HTR2C: variants seen among roughly 807,000 people sequenced by gnomAD.
The protein encoded by HTR2C is 5-hydroxytryptamine receptor 2C, also known as 5-hydroxytryptamine (serotonin) receptor 2C, G protein-coupled.
Under a neutral mutation model 21.0 loss-of-function variants are expected in HTR2C, and 5 were observed. The ratio of observed to expected loss-of-function variants is 0.24; its 90% CI spans 0.12 to 0.50. The LOEUF is 0.50. Among genes scored for constraint, HTR2C ranks in the 20% least tolerant of loss-of-function variants. HTR2C has a pLI of 0.98. For missense variants in HTR2C, 271 were observed against 371.2 expected (o/e 0.73, Z 2.22); for synonymous variants, 150 against 145.3 (o/e 1.03, Z -0.23).
At chrX:114,589,173 T>C (rs1927528193) in intron 1 of HTR2C, among the ~76,000 whole-genome samples, 1 of 112,181 alleles carries the variant, frequency 8.9e-6, no homozygotes, top group Non-Finnish European at 1.9e-5. Context: ...TGTGAGGATA[T>C]TAATGGACAA....
At chrX:114,817,441 A>G (rs1415766944) in intron 4 of HTR2C, among the ~76,000 whole-genome samples, 3 of 112,163 alleles carry the variant, frequency 2.7e-5, no homozygotes, top group African/African-American at 9.7e-5. Context: ...CCTTCATAAA[A>G]GCAGTAAGAA....
chrX:114,886,270 A>G (rs1322651125), intron 5 of HTR2C, among the ~76,000 whole-genome samples: 2 of 110,623 alleles, frequency 1.8e-5, no homozygotes, highest in African/African-American at 6.5e-5. Context: ...TGTGTACAGC[A>G]TTAGTTGGAT....
intron 1 of HTR2C, among the ~76,000 whole-genome samples, chrX:114,604,203 C>G (rs905186914): frequency 9.3e-6 from 1 of 108,020 alleles, no homozygotes; most frequent in Non-Finnish European, 1.9e-5. Flanking sequence ...GGAAGAAGGG[C>G]GGCAATGAGA....
chrX:114,784,986 T>C (rs2070161198), intron 4 of HTR2C, among the ~76,000 whole-genome samples: 1 of 111,616 alleles, frequency 9.0e-6, no homozygotes, highest in Non-Finnish European at 1.9e-5. Context: ...ATGACTTATC[T>C]TAAGTAATTA....
intron 5 of HTR2C, among the ~76,000 whole-genome samples, chrX:114,849,821 T>C (rs1438354653): frequency 1.8e-5 from 2 of 112,072 alleles, no homozygotes; most frequent in African/African-American, 6.5e-5. Flanking sequence ...TAATCCTAGA[T>C]TTCAACTTAT....
intron 2 of HTR2C, among the ~76,000 whole-genome samples, chrX:114,629,687 TTATATC>T (rs782238009): frequency 4.5e-5 from 5 of 111,948 alleles, no homozygotes; most frequent in Admixed American, 9.5e-5. Context: ...AATTAATTAA[TTATATC>T]TATAGAGCCA....
chrX:114,595,380 GGTTGTTGTTGTT>G lies in HTR2C; in HGVS notation c.-147+10734_-147+10745del, dbSNP rs76801152. Among the ~76,000 whole-genome samples the G allele has an allele frequency of 9.4e-3, 968 of 102,953 alleles. 12 individuals carry two copies. Among genetic ancestry groups the G allele is most frequent in the African/African-American group, 0.032 (903 of 28,164 alleles). 89.4% of individuals were successfully genotyped at this position (102,953 alleles called of 115,157 possible). ...CTGTAGGTGTGTGTCACCGTGCCCA[GGTTGTTGTTGTT>G]GTTGTTGTTGTTTTGTAGAAATGAG... On this transcript the variant is annotated intron_variant, in intron 1 of 5. Transcript: ENST00000276198.
intron 5 of HTR2C, among the ~76,000 whole-genome samples, chrX:114,855,639 T>C (rs1463978657): frequency 3.7e-5 from 4 of 109,399 alleles, no homozygotes; most frequent in Admixed American, 9.9e-5. Flanking sequence ...TGAATAACTC[T>C]AGTGTGTCTA....
intron 1 of HTR2C, among the ~76,000 whole-genome samples, chrX:114,587,376 G>C (rs781965460): frequency 2.7e-5 from 3 of 111,616 alleles, no homozygotes; most frequent in Non-Finnish European, 5.6e-5. Flanking sequence ...TACGTGTACT[G>C]AGATTATTTT....
intron 5 of HTR2C, among the ~76,000 whole-genome samples, chrX:114,899,497 C>T (rs2071321330): frequency 9.0e-6 from 1 of 111,048 alleles, no homozygotes; most frequent in South Asian, 3.9e-4. Context: ...TGTGTTGGAC[C>T]CAAGGCCCTG....
chrX:114,724,918 A>C (rs1201914798), intron 2 of HTR2C, among the ~76,000 whole-genome samples: 5 of 107,969 alleles, frequency 4.6e-5, no homozygotes, highest in African/African-American at 1.7e-4. Context: ...TTTGAGAGTA[A>C]CCCGACCTTT....
At chrX:114,844,340 C>T (rs1569499094) in intron 4 of HTR2C, among the ~76,000 whole-genome samples, 1 of 110,358 alleles carries the variant, frequency 9.1e-6, no homozygotes, top group East Asian at 2.9e-4. Flanking sequence ...ATTGTAATCC[C>T]CAGGTTAACC....
In HTR2C at chrX:114,624,093, TAG is replaced by T. The variant is rs782603030; in HGVS notation, c.-80+10216_-80+10217del. Among the ~76,000 whole-genome samples the T allele has an allele frequency of 2.6e-4, 28 of 108,014 alleles. No homozygotes were observed. In the East Asian group the frequency reaches 6.5e-3, roughly 25 times the overall value. The allele number at this position is 108,014 out of a possible 115,157, so 93.8% of individuals were successfully genotyped here. ...CTGGCTAAGTTTTTTGTATTTTCAGTAGAGACAGGGTAGGCTGGTCTTGAACT... is the reference window on the plus strand; with the variant it reads ...CTGGCTAAGTTTTTTGTATTTTCAGTAGACAGGGTAGGCTGGTCTTGAACT... On this transcript the variant is annotated intron_variant, in intron 2 of 5. Transcript: ENST00000276198.
intron 2 of HTR2C, among the ~76,000 whole-genome samples, chrX:114,699,036 A>C (rs782716441): frequency 8.9e-6 from 1 of 111,810 alleles, no homozygotes; most frequent in African/African-American, 3.3e-5. Context: ...GGGAGTCTCT[A>C]TATATAGTAT....
At chrX:114,782,454 T>C (rs1221204802) in intron 4 of HTR2C, among the ~76,000 whole-genome samples, 1 of 111,755 alleles carries the variant, frequency 8.9e-6, no homozygotes, top group Non-Finnish European at 1.9e-5. Flanking sequence ...TGGTGGCTCA[T>C]GTCTGAAATC....
intron 4 of HTR2C, among the ~76,000 whole-genome samples, chrX:114,793,438 T>C (rs1282465162): frequency 8.9e-6 from 1 of 112,005 alleles, no homozygotes; most frequent in Non-Finnish European, 1.9e-5. Context: ...TTCTTGGACA[T>C]AGGACAATTA....
chrX:114,880,135 G>A (rs1301862794), intron 5 of HTR2C, among the ~76,000 whole-genome samples: 1 of 109,948 alleles, frequency 9.1e-6, no homozygotes, highest in African/African-American at 3.3e-5. Context: ...TTATACAACT[G>A]TCAACACTAT....
chrX:114,673,702 T>C (rs887630056), intron 2 of HTR2C, among the ~76,000 whole-genome samples: 2 of 111,567 alleles, frequency 1.8e-5, no homozygotes, highest in Admixed American at 1.9e-4. Flanking sequence ...AGATTGACAG[T>C]AGTTATATAT....
At chrX:114,754,709 A>G (rs2069794279) in intron 4 of HTR2C, among the ~76,000 whole-genome samples, 1 of 111,339 alleles carries the variant, frequency 9.0e-6, no homozygotes, top group African/African-American at 3.3e-5. Context: ...TTCAGAATCT[A>G]GGGCTTGGGG....
Sources: gnomAD v4.1 joint callset for allele counts (sites outside exome capture counted in the v4.1 genomes callset) on GRCh38, gnomAD v4.1.1 for gene constraint, MANE v1.5 for transcripts, NCBI Gene and HGNC (gene_info 2026-07-23, HGNC 2026-07-21) for gene names.